ZC3H12B: variants seen among roughly 807,000 people sequenced by gnomAD.
The protein encoded by ZC3H12B is zinc finger CCCH-type containing 12B, also known as probable ribonuclease ZC3H12B.
Under a neutral mutation model 43.9 loss-of-function variants are expected in ZC3H12B, and 7 were observed. That is an observed-to-expected ratio of 0.16 (90% CI 0.09 to 0.30). ZC3H12B has a LOEUF of 0.30. Ranked by LOEUF, ZC3H12B falls within the 10% of genes least tolerant of loss-of-function variation. ZC3H12B has a pLI of 1.00. For synonymous variants in ZC3H12B, 222 were observed against 241.7 expected, an observed-to-expected ratio of 0.92 and a Z score of 0.76; for missense variants, 475 against 670.2, an observed-to-expected ratio of 0.71 and a Z score of 3.22.
intron 3 of ZC3H12B, among the ~76,000 whole-genome samples, chrX:65,478,654 T>C (rs977648081): frequency 9.8e-5 from 11 of 112,479 alleles, no homozygotes; most frequent in African/African-American, 3.2e-4. Flanking sequence ...TAAGTCTTCC[T>C]CCCTTTGCCA....
chrX:65,295,355 T>A, the ZC3H12B span, among the ~76,000 whole-genome samples: 1 of 111,577 alleles, frequency 9.0e-6, no homozygotes, highest in Non-Finnish European at 1.9e-5. Context: ...TTATTTGAAC[T>A]GAACGCTAAT....
rs146217577 is a variant in ZC3H12B, at chrX:65,369,937, T to C, written n.295+939T>C. 9.8e-3 allele frequency among the ~76,000 whole-genome samples: 1,092 copies of C among 110,962 alleles called. 53 individuals are homozygous for C. In the East Asian group the frequency reaches 0.2, roughly 20 times the overall value. ...AGCCTCTTCTTATAATTTAGGAGTATTTAGGTACCTGGCCAGGCTTGGTGG... is the reference window on the plus strand; with the variant it reads ...AGCCTCTTCTTATAATTTAGGAGTACTTAGGTACCTGGCCAGGCTTGGTGG... On this transcript the variant is annotated intron_variant and non_coding_transcript_variant, in intron 2 of 5. Transcript: ENST00000617377.
the ZC3H12B span, among the ~76,000 whole-genome samples, chrX:65,226,585 G>C: frequency 9.0e-6 from 1 of 111,245 alleles, no homozygotes; most frequent in Admixed American, 9.6e-5. Flanking sequence ...ACACAGACTG[G>C]CAAATTGGAT....
At chrX:65,135,416 C>T in the ZC3H12B span, among the ~76,000 whole-genome samples, 2 of 109,041 alleles carry the variant, frequency 1.8e-5, no homozygotes, top group Non-Finnish European at 3.8e-5. Context: ...TAGAGACTTC[C>T]TTCATTCATT....
chrX:65,062,797 A>T, the ZC3H12B span, among the ~76,000 whole-genome samples: 1 of 111,903 alleles, frequency 8.9e-6, no homozygotes, highest in Non-Finnish European at 1.9e-5. Flanking sequence ...ATGAGCATGG[A>T]ATGTTTTTCC....
chrX:65,129,227 G>A, the ZC3H12B span, among the ~76,000 whole-genome samples: 1 of 90,859 alleles, frequency 1.1e-5, no homozygotes, highest in Non-Finnish European at 2.0e-5. Flanking sequence ...AATTTTAATG[G>A]CTCTATTATA....
the ZC3H12B span, among the ~76,000 whole-genome samples, chrX:65,299,635 A>G: frequency 7.1e-5 from 8 of 112,167 alleles, no homozygotes; most frequent in African/African-American, 1.9e-4. Context: ...ATTAAACATT[A>G]GGAGAAAAAT....
the ZC3H12B span, among the ~76,000 whole-genome samples, chrX:65,335,535 G>A: frequency 1.8e-5 from 2 of 111,588 alleles, no homozygotes; most frequent in African/African-American, 6.5e-5. Flanking sequence ...ACTCCTCAAA[G>A]GTAGCTCAGA....
chrX:65,441,566 C>T (rs771095414), intron 3 of ZC3H12B, among the ~76,000 whole-genome samples: 3 of 112,145 alleles, frequency 2.7e-5, no homozygotes, highest in Non-Finnish European at 5.6e-5. Flanking sequence ...GCTATGCGCT[C>T]TCCTGGCTCT....
At chrX:65,495,914 C>T (rs943171552) in intron 1 of ZC3H12B, among the ~76,000 whole-genome samples, 4 of 110,812 alleles carry the variant, frequency 3.6e-5, no homozygotes, top group African/African-American at 6.6e-5. Context: ...ACTATGTTGC[C>T]GAGGCTGGTC....
chrX:65,356,041 T>C, the ZC3H12B span, among the ~76,000 whole-genome samples: 4 of 112,152 alleles, frequency 3.6e-5, no homozygotes, highest in South Asian at 3.7e-4. Flanking sequence ...ATCTTAAATA[T>C]CTAAAACAAA....
chrX:65,378,796 A>C (rs1289298928), intron 2 of ZC3H12B, among the ~76,000 whole-genome samples: 1 of 112,692 alleles, frequency 8.9e-6, no homozygotes, highest in African/African-American at 3.2e-5. Context: ...CTCACTCGGG[A>C]AGTGCAAGGG....
At chrX:65,120,462 G>A in the ZC3H12B span, among the ~76,000 whole-genome samples, 1 of 111,469 alleles carries the variant, frequency 9.0e-6, no homozygotes, top group African/African-American at 3.3e-5. Flanking sequence ...TGTTATTGGT[G>A]TGTAATAATG....
At chrX:65,423,295 A>G (rs1417137244) in intron 3 of ZC3H12B, among the ~76,000 whole-genome samples, 3 of 111,783 alleles carry the variant, frequency 2.7e-5, no homozygotes, top group Non-Finnish European at 5.6e-5. Flanking sequence ...AGTCTTTGCT[A>G]TTGTGAATAG....
the ZC3H12B span, among the ~76,000 whole-genome samples, chrX:65,084,844 T>C: frequency 3.6e-5 from 4 of 112,335 alleles, no homozygotes; most frequent in African/African-American, 1.3e-4. Context: ...TAACTAAGAG[T>C]TGGAAGCAAC....
chrX:65,120,857 G>A, the ZC3H12B span, among the ~76,000 whole-genome samples: 1 of 111,600 alleles, frequency 9.0e-6, no homozygotes, highest in Non-Finnish European at 1.9e-5. Context: ...TTTTTAGCAT[G>A]AAGAGTTGTT....
chrX:65,396,096 G>A (rs1323438111), intron 2 of ZC3H12B, among the ~76,000 whole-genome samples: 4 of 110,757 alleles, frequency 3.6e-5, no homozygotes, highest in African/African-American at 9.8e-5. Context: ...TATTAATCTG[G>A]CTACTGGTCT....
the ZC3H12B span, among the ~76,000 whole-genome samples, chrX:65,231,098 A>T: frequency 9.0e-6 from 1 of 111,438 alleles, no homozygotes; most frequent in African/African-American, 3.3e-5. Flanking sequence ...CAAAGAGAGA[A>T]ATTTTACAAC....
At chrX:65,361,674 C>T (rs1487486422), upstream of ZC3H12B, among the ~76,000 whole-genome samples, 2 of 110,507 alleles carry the variant, frequency 1.8e-5, no homozygotes, top group East Asian at 5.7e-4. Flanking sequence ...AGACACTTTA[C>T]TGTCCTAGAC....
Sources: allele counts gnomAD v4.1 joint callset (sites outside exome capture counted in the v4.1 genomes callset), GRCh38; gene constraint gnomAD v4.1.1; transcripts MANE v1.5; gene names NCBI Gene and HGNC (gene_info 2026-07-23, HGNC 2026-07-21).